Variants in LRP1B observed in about 807,000 individuals in gnomAD.
LRP1B encodes low-density lipoprotein receptor-related protein 1B.
A neutral mutation model predicts 556.6 loss-of-function variants in LRP1B; 217 were observed. That is an observed-to-expected ratio of 0.39 (90% CI 0.35 to 0.44). The LOEUF (loss-of-function observed/expected upper bound fraction) is 0.44. Ranked by LOEUF, LRP1B falls within the 20% of genes least tolerant of loss-of-function variation. The probability of loss-of-function intolerance (pLI) is 1.00; values close to 1 mark genes in which losing one functional copy is unlikely to be tolerated. For missense variants in LRP1B, 5,053 were observed against 5,620.8 expected (o/e 0.90, Z 3.23); for synonymous variants, 2,047 against 1,865.8 (o/e 1.10, Z -2.50).
At chr2:140,524,195 A>G (rs1444316023) in intron 49 of LRP1B, among the ~76,000 whole-genome samples, 1 of 152,048 alleles carries the variant, frequency 6.6e-6, no homozygotes, top group East Asian at 1.9e-4. Context: ...AAAAGAAGAC[A>G]TAAAAGTGGC....
At chr2:141,064,896 T>C (rs536072514) in intron 7 of LRP1B, among the ~76,000 whole-genome samples, 84 of 152,018 alleles carry the variant, frequency 5.5e-4, no homozygotes, top group Non-Finnish European at 8.5e-4. Flanking sequence ...TCTCTTCTTT[T>C]CTATAACATA....
Position 140,324,042 on chromosome 2 carries a change from T to C in LRP1B, c.12365A>G (p.Asp4122Gly), listed in dbSNP as rs1680317446. The change falls in exon 81 of 91, where the codon GAT becomes GGT. Residue 4122 changes from aspartate (D) to glycine (G), a missense_variant. Coordinates refer to ENST00000389484, the MANE Select transcript of LRP1B (RefSeq NM_018557.3). ...KQGLLHPHRI[D>G]IFEDYIYGAG... Reference sequence around the variant, plus strand: ...TCCATATATATAATCTTCAAAGATATCGATCCTATGTGGATGTAATAAACC... The same window carrying C: ...TCCATATATATAATCTTCAAAGATACCGATCCTATGTGGATGTAATAAACC... The C allele has an allele frequency of 6.2e-7, 1 of 1,609,102 alleles. No individual in the cohort carries two copies. The highest frequency in any genetic ancestry group is 1.7e-5 in the Admixed American group (1 of 59,806).
At chr2:140,242,346 T>C (rs1680982971) in intron 87 of LRP1B, among the ~76,000 whole-genome samples, 1 of 151,172 alleles carries the variant, frequency 6.6e-6, no homozygotes, top group African/African-American at 2.4e-5. Context: ...CTTTTCACAA[T>C]ATAATGCATC....
At position 141,835,456 on chromosome 2, in the gene LRP1B, G is replaced by A. The variant is rs1697246142; in HGVS notation, c.83-25055C>T. Among the ~76,000 whole-genome samples the A allele has an allele frequency of 2.0e-5, 3 of 149,018 alleles. 1 individual carries two copies. The South Asian group carries it at 6.4e-4, about 32-fold the overall frequency. ...ATAGAGATTCTTCACCCAAATGAAA[G>A]ACACTCAATCATATTAATGACTGTC... is the stretch of plus-strand genomic sequence containing the variant. On this transcript the variant is annotated intron_variant, in intron 1 of 90. Transcript: ENST00000389484.
At chr2:142,049,233 T>A (rs1387647219) in intron 1 of LRP1B, among the ~76,000 whole-genome samples, 1 of 152,222 alleles carries the variant, frequency 6.6e-6, no homozygotes, top group Non-Finnish European at 1.5e-5. Context: ...CCTTGTACTT[T>A]CCATATGTTG....
chr2:141,981,854 C>T (rs981595032), intron 1 of LRP1B, among the ~76,000 whole-genome samples: 6 of 152,088 alleles, frequency 3.9e-5, no homozygotes, highest in African/African-American at 1.4e-4. Context: ...GGAGGTGTGT[C>T]TTTCCCCTAC....
rs1158271235 is a variant in LRP1B at position 141,963,819 on chromosome 2, C to T, written c.83-153418G>A. On this transcript the variant is annotated intron_variant, in intron 1 of 90. Coordinates refer to ENST00000389484, the MANE Select transcript of LRP1B (RefSeq NM_018557.3). ...AAGTCAAATTGTCCCTGTTTGCAGA[C>T]GACATGATTGTTTATCTAGAAAACC... Among the ~76,000 whole-genome samples the T allele has an allele frequency of 7.0e-3, 1,020 of 145,450 alleles. 10 individuals carry two copies. Among genetic ancestry groups the T allele is most frequent in the Middle Eastern group, 0.024 (7 of 292 alleles).
intron 2 of LRP1B, among the ~76,000 whole-genome samples, chr2:141,531,936 G>T (rs1227911935): frequency 6.6e-6 from 1 of 152,070 alleles, no homozygotes; most frequent in Non-Finnish European, 1.5e-5. Flanking sequence ...GGAATTATAA[G>T]TGCTAGCCCC....
In LRP1B at chr2:141,224,097, T is replaced by A. The variant is rs558341671; in HGVS notation, c.850+5086A>T. ...AAACTATCATTAGAGCAAACAGACA[T>A]CCTACAGAATGGAAGACAATTTTTG... On this transcript the variant is annotated intron_variant, in intron 6 of 90. Transcript: ENST00000389484. Among the ~76,000 whole-genome samples the A allele has an allele frequency of 4.5e-4, 68 of 151,842 alleles. 1 individual carries two copies. The highest frequency in any genetic ancestry group is 1.6e-3 in the African/African-American group (67 of 41,432).
At chr2:141,520,780 G>A (rs1010358915) in intron 2 of LRP1B, among the ~76,000 whole-genome samples, 1 of 152,072 alleles carries the variant, frequency 6.6e-6, no homozygotes, top group Non-Finnish European at 1.5e-5. Context: ...CTTCAAGAGG[G>A]CTGTTTTGAG....
chr2:141,712,810 C>G (rs1208697233), intron 2 of LRP1B, among the ~76,000 whole-genome samples: 1 of 149,960 alleles, frequency 6.7e-6, no homozygotes, highest in Non-Finnish European at 1.5e-5. Context: ...GCTAGAATTA[C>G]AGGTGCCTGC....
intron 7 of LRP1B, among the ~76,000 whole-genome samples, chr2:141,071,655 G>C (rs1249167692): frequency 6.6e-6 from 1 of 152,152 alleles, no homozygotes; most frequent in Non-Finnish European, 1.5e-5. Context: ...CTTCAGCAAA[G>C]TCTCAGGATA....
intron 2 of LRP1B, among the ~76,000 whole-genome samples, chr2:141,698,157 G>A (rs1198377269): frequency 6.6e-6 from 1 of 151,740 alleles, no homozygotes; most frequent in Admixed American, 6.6e-5. Context: ...TTTTTTTGGC[G>A]GTGGAGGGTG....
chr2:140,693,015 A>C (rs1686300858), intron 41 of LRP1B, among the ~76,000 whole-genome samples: 1 of 152,056 alleles, frequency 6.6e-6, no homozygotes, highest in Admixed American at 6.6e-5. Flanking sequence ...TAATTCATTA[A>C]ATTCATTATT....
At chr2:142,115,104 G>A (rs557805044) in intron 1 of LRP1B, among the ~76,000 whole-genome samples, 11 of 151,988 alleles carry the variant, frequency 7.2e-5, no homozygotes, top group Non-Finnish European at 1.0e-4. Context: ...ACATATTAAC[G>A]GAGGAATTGT....
chr2:140,319,403 C>T (rs1328650507), intron 82 of LRP1B, among the ~76,000 whole-genome samples: 1 of 152,124 alleles, frequency 6.6e-6, no homozygotes, highest in African/African-American at 2.4e-5. Flanking sequence ...GAGGAGGCAC[C>T]TGTGAGGGCA....
At chr2:140,345,431 A>G (rs1352399279) in intron 77 of LRP1B, among the ~76,000 whole-genome samples, 1 of 150,846 alleles carries the variant, frequency 6.6e-6, no homozygotes, top group African/African-American at 2.4e-5. Flanking sequence ...CTTCTTATTT[A>G]TTTTCTCTTA....
At chr2:140,876,208 T>C (rs1158366511) in intron 25 of LRP1B, among the ~76,000 whole-genome samples, 3 of 152,196 alleles carry the variant, frequency 2.0e-5, no homozygotes, top group Non-Finnish European at 2.9e-5. Context: ...TTTTGACTTT[T>C]TGCTTGAAAC....
intron 2 of LRP1B, among the ~76,000 whole-genome samples, chr2:141,494,133 G>A (rs1489905322): frequency 6.6e-6 from 1 of 152,178 alleles, no homozygotes; most frequent in Non-Finnish European, 1.5e-5. Context: ...ACTTGGCACA[G>A]CCTCAAGGCC....
Sources: gnomAD v4.1 joint callset for allele counts (sites outside exome capture counted in the v4.1 genomes callset) on GRCh38, gnomAD v4.1.1 for gene constraint, MANE v1.5 for transcripts, NCBI Gene and HGNC (gene_info 2026-07-23, HGNC 2026-07-21) for gene names.